Variants in EVL observed in about 807,000 individuals in gnomAD.
EVL encodes the protein ena/VASP-like protein.
EVL carries 21 observed loss-of-function variants against 59.6 expected under a neutral mutation model. The observed-to-expected ratio is 0.35, with a 90% CI of 0.25 to 0.51. The LOEUF (loss-of-function observed/expected upper bound fraction) is 0.51, where lower values mean the gene tolerates loss of function less well. EVL is among the 20% of genes least tolerant of loss of function. The pLI, the probability that EVL is intolerant of heterozygous loss-of-function variation, is 0.97. For synonymous variants in EVL, 198 were observed against 203.5 expected (o/e 0.97, Z 0.23); for missense variants, 462 against 546.6 (o/e 0.85, Z 1.54).
At chr14:100,134,716 G>A (rs1888658099) in intron 8 of EVL, 1 of 152,382 alleles carries the variant, frequency 6.6e-6, no homozygotes, top group South Asian at 2.1e-4. Context: ...GACGAAAAGA[G>A]CCCCAAATGT....
At chr14:100,020,401 A>G (rs183847346) in intron 1 of EVL, among the ~76,000 whole-genome samples, 43 of 151,498 alleles carry the variant, frequency 2.8e-4, no homozygotes, top group African/African-American at 9.9e-4. Flanking sequence ...AGGAGGCGGA[A>G]TGGGAGGGTC....
upstream of EVL, among the ~76,000 whole-genome samples, chr14:100,063,816 C>T (rs541562060): frequency 2.0e-5 from 3 of 152,212 alleles, no homozygotes; most frequent in Admixed American, 6.5e-5. Flanking sequence ...TGGGCCATAA[C>T]GCACATTTTG....
At chr14:100,077,649 G>C (rs889659047) in intron 1 of EVL, among the ~76,000 whole-genome samples, 1 of 152,148 alleles carries the variant, frequency 6.6e-6, no homozygotes, top group African/African-American at 2.4e-5. Flanking sequence ...ACCAGCAAAC[G>C]TGTGTTACAG....
intron 1 of EVL, among the ~76,000 whole-genome samples, chr14:100,022,871 G>C (rs1044677653): frequency 6.6e-6 from 1 of 152,144 alleles, no homozygotes; most frequent in East Asian, 1.9e-4. Context: ...TCAGGAGAAC[G>C]TGTGGAAAAG....
chr14:100,084,904 C>T, intron 2 of EVL, 49 bp downstream of exon 2: 1 of 1,595,106 alleles, frequency 6.3e-7, no homozygotes, highest in African/African-American at 1.3e-5. Flanking sequence ...GCACCACCTC[C>T]TCACCGCCCA....
intron 5 of EVL, among the ~76,000 whole-genome samples, chr14:100,126,997 G>A (rs1002164811): frequency 3.9e-5 from 6 of 152,216 alleles, no homozygotes; most frequent in Admixed American, 6.5e-5. Context: ...AACCTTCTCC[G>A]GAGTGGACAT....
intron 2 of EVL, among the ~76,000 whole-genome samples, chr14:100,087,400 G>A (rs1163611965): frequency 2.6e-5 from 4 of 152,136 alleles, no homozygotes; most frequent in Non-Finnish European, 2.9e-5. Flanking sequence ...GATCACTTGA[G>A]CCCAGGAGTT....
chr14:99,981,847 A>G (rs1408890321), intron 1 of EVL, among the ~76,000 whole-genome samples: 2 of 152,244 alleles, frequency 1.3e-5, no homozygotes, highest in Non-Finnish European at 2.9e-5. Context: ...CAAACCTTCA[A>G]TTGGTAAAAA....
chr14:100,135,238 G>C (rs1888703157), intron 8 of EVL: 1 of 152,352 alleles, frequency 6.6e-6, no homozygotes, highest in African/African-American at 2.4e-5. Flanking sequence ...GTAGTGAGCA[G>C]AGGAGACAAA....
intron 1 of EVL, among the ~76,000 whole-genome samples, chr14:100,044,547 A>T (rs775304313): frequency 6.6e-6 from 1 of 152,198 alleles, no homozygotes; most frequent in Admixed American, 6.5e-5. Flanking sequence ...AAGGACTGAT[A>T]CTTGTCCTCT....
intron 2 of EVL, among the ~76,000 whole-genome samples, chr14:100,085,828 A>G (rs1418125206): frequency 6.6e-6 from 1 of 152,190 alleles, no homozygotes; most frequent in Non-Finnish European, 1.5e-5. Flanking sequence ...AGGACCCCTG[A>G]TAAAAGGTAG....
At chr14:100,022,600 G>A (rs1324164916) in intron 1 of EVL, among the ~76,000 whole-genome samples, 1 of 152,152 alleles carries the variant, frequency 6.6e-6, no homozygotes, top group Non-Finnish European at 1.5e-5. Flanking sequence ...GTTTTTAAAA[G>A]GAAGTCTGAT....
At chr14:99,982,326 A>G (rs1365046436) in intron 1 of EVL, among the ~76,000 whole-genome samples, 5 of 152,202 alleles carry the variant, frequency 3.3e-5, no homozygotes, top group Non-Finnish European at 7.3e-5. Flanking sequence ...GCTGAATAAT[A>G]GTCTGTCAGA....
chr14:100,089,623 T>C (rs1330463773), intron 2 of EVL, among the ~76,000 whole-genome samples: 2 of 152,236 alleles, frequency 1.3e-5, no homozygotes, highest in South Asian at 2.1e-4. Context: ...GGGACGCAGC[T>C]AGAACAGTAC....
At chr14:100,095,068 C>T (rs565941481) in intron 2 of EVL, among the ~76,000 whole-genome samples, 2 of 152,086 alleles carry the variant, frequency 1.3e-5, no homozygotes, top group Admixed American at 6.6e-5. Context: ...AAAACAAAAA[C>T]GGTACTAAAA....
intron 1 of EVL, among the ~76,000 whole-genome samples, chr14:100,012,965 G>A (rs2061026189): frequency 6.6e-6 from 1 of 152,230 alleles, no homozygotes; most frequent in African/African-American, 2.4e-5. Context: ...GCCCAGAATT[G>A]TAATGGCTTC....
At chr14:100,141,905 G>C in intron 13 of EVL, 112 bp downstream of exon 13, 7 of 776,092 alleles carry the variant, frequency 9.0e-6, no homozygotes, top group Non-Finnish European at 1.4e-5. Context: ...TACTGCACTG[G>C]GCCCTGTGAG....
chr14:100,082,803 C>T (rs775819929), intron 1 of EVL, among the ~76,000 whole-genome samples: 4 of 152,216 alleles, frequency 2.6e-5, no homozygotes, highest in African/African-American at 7.2e-5. Flanking sequence ...GTGCTGAGAA[C>T]ATTTGGGCCA....
chr14:100,115,225 G>A (rs563387178), intron 3 of EVL, among the ~76,000 whole-genome samples: 2 of 152,300 alleles, frequency 1.3e-5, no homozygotes, highest in African/African-American at 4.8e-5. Flanking sequence ...AAGGAACACA[G>A]CCTAGTGGGC....
Sources: gnomAD v4.1 joint callset for allele counts (sites outside exome capture counted in the v4.1 genomes callset) on GRCh38, gnomAD v4.1.1 for gene constraint, MANE v1.5 for transcripts, NCBI Gene and HGNC (gene_info 2026-07-23, HGNC 2026-07-21) for gene names.